Variants in SLC9A7 observed in about 807,000 individuals in gnomAD.
The protein encoded by SLC9A7 is solute carrier family 9 member A7, also known as sodium/hydrogen exchanger 7.
SLC9A7 carries 19 observed loss-of-function variants against 52.6 expected under a neutral mutation model. The observed-to-expected ratio is 0.36, with a 90% CI of 0.25 to 0.53. The LOEUF (loss-of-function observed/expected upper bound fraction) is 0.53. SLC9A7 is among the 20% of genes least tolerant of loss of function. The probability of loss-of-function intolerance (pLI) is 0.91; values close to 1 mark genes in which losing one functional copy is unlikely to be tolerated. For synonymous variants in SLC9A7, 226 were observed against 252.1 expected, an observed-to-expected ratio of 0.90 and a Z score of 0.98; for missense variants, 455 against 597.9, an observed-to-expected ratio of 0.76 and a Z score of 2.49.
intron 1 of SLC9A7, among the ~76,000 whole-genome samples, chrX:46,713,150 T>C (rs1304425999): frequency 8.9e-6 from 1 of 112,106 alleles, no homozygotes; most frequent in Non-Finnish European, 1.9e-5. Context: ...TGGCCCCTTA[T>C]CCATGGGTCA....
intron 10 of SLC9A7, among the ~76,000 whole-genome samples, chrX:46,649,308 A>G (rs1023156797): frequency 8.9e-6 from 1 of 112,152 alleles, no homozygotes; most frequent in Non-Finnish European, 1.9e-5. Context: ...TAAACATCAG[A>G]GACTTTAATG....
In SLC9A7 at chrX:46,648,760, G is replaced by A. The variant is rs201743512; in HGVS notation, c.1388C>T (p.Pro463Leu). ...IFLGRAAHIYPLSFFLNLGRR... is the reference protein window; with the variant it reads ...IFLGRAAHIYLLSFFLNLGRR... The stretch of plus-strand genomic sequence containing the variant: ...GCCCAAGTTGAGGAAGAAGGAGAGC[G>A]GGTAGATGTGCGCGGCTCTGCCCAG... Residue 463 changes from proline (P) to leucine (L), a missense_variant, in exon 11 of 17, where the codon CCG (proline) becomes CTG (leucine). Physicochemically the swap from Pro to Leu is moderately conservative, Grantham distance 98. This residue lies in a region of SLC9A7 where 304 missense variants were observed against 417.8 expected (regional missense o/e 0.73). Coordinates refer to ENST00000616978, the MANE Select transcript of SLC9A7 (RefSeq NM_001257291.2). 3.4e-5 allele frequency: 41 copies of A among 1,209,327 alleles called. No individual in the cohort carries two copies. Among genetic ancestry groups the A allele is most frequent in the East Asian group, 3.0e-4 (10 of 33,764 alleles).
chrX:46,638,714 T>A (rs1485370492), intron 12 of SLC9A7, among the ~76,000 whole-genome samples: 3 of 112,077 alleles, frequency 2.7e-5, no homozygotes, highest in Non-Finnish European at 5.6e-5. Context: ...ATTGGCTTCA[T>A]AATTGAAAAA....
intron 13 of SLC9A7, among the ~76,000 whole-genome samples, chrX:46,634,832 T>C (rs1943293486): frequency 8.9e-6 from 1 of 111,909 alleles, no homozygotes; most frequent in African/African-American, 3.3e-5. Flanking sequence ...TGAGATATTC[T>C]CACAGTGCCG....
chrX:46,641,942 C>A (rs1322671823), intron 12 of SLC9A7, among the ~76,000 whole-genome samples: 1 of 111,987 alleles, frequency 8.9e-6, no homozygotes, highest in Non-Finnish European at 1.9e-5. Context: ...ATGCCTGCAA[C>A]GTAAGTGTTA....
intron 1 of SLC9A7, among the ~76,000 whole-genome samples, chrX:46,689,230 T>A (rs1450056473): frequency 8.9e-6 from 1 of 112,448 alleles, no homozygotes; most frequent in African/African-American, 3.2e-5. Context: ...TTAATACAGT[T>A]TTGTCTTTGC....
In SLC9A7 at chrX:46,700,054, G is replaced by A. The variant is rs779775332; in HGVS notation, c.326-17519C>T. Among the ~76,000 whole-genome samples, 3 of 109,280 alleles carry A rather than the reference G, an allele frequency of 2.7e-5. No homozygotes were observed. The South Asian group carries it at 1.2e-3, about 44-fold the overall frequency. 94.9% of individuals were successfully genotyped at this position (109,280 alleles called of 115,157 possible). A position where few individuals can be genotyped will look rare whatever the true frequency, so the allele number is the denominator to read the frequency against. ...CAGGAGTTTGAAGCTTCAGTGAGCC[G>A]TGATTGCACCACCGCACTCCAGCCT... On this transcript the variant is annotated intron_variant, in intron 1 of 16. Transcript: ENST00000616978.
rs1944755377 is a variant in SLC9A7, at chrX:46,715,495, C to A, written c.326-32960G>T. Among the ~76,000 whole-genome samples the A allele has an allele frequency of 2.7e-5, 3 of 111,366 alleles. No individual in the cohort carries two copies. The South Asian group carries it at 1.1e-3, about 43-fold the overall frequency. On this transcript the variant is annotated intron_variant, in intron 1 of 16. Transcript: ENST00000616978. Reference sequence around the variant, plus strand: ...AATAACTACATTATGATTCACTGATCCCAAAAATATGAGTCCAGTGGTATA... The same window carrying A: ...AATAACTACATTATGATTCACTGATACCAAAAATATGAGTCCAGTGGTATA...
Position 46,669,733 on chromosome X carries a change from A to G in SLC9A7, c.681-14T>C. The G allele has an allele frequency of 1.1e-6, 1 of 945,817 alleles. No individual in the cohort carries two copies. The highest frequency in any genetic ancestry group is 3.3e-5 in the East Asian group (1 of 30,173). 77.9% of individuals were successfully genotyped at this position (945,817 alleles called of 1,213,427 possible). A position where few individuals can be genotyped will look rare whatever the true frequency, so the allele number is the denominator to read the frequency against. On this transcript the variant is annotated splice_polypyrimidine_tract_variant and intron_variant, in intron 4 of 16. Coordinates refer to ENST00000616978, the MANE Select transcript of SLC9A7 (RefSeq NM_001257291.2). ...TACATGAGATTTCTGTAAGAAGGTA[A>G]GGTAAACTATGTCAGGAGAAAAAAA...
At chrX:46,680,734 C>T (rs764432210) in intron 2 of SLC9A7, among the ~76,000 whole-genome samples, 77 of 112,535 alleles carry the variant, frequency 6.8e-4, no homozygotes, top group African/African-American at 2.4e-3. Context: ...AATTTGTTCA[C>T]GCTGGTAGAT....
intron 5 of SLC9A7, among the ~76,000 whole-genome samples, chrX:46,668,313 C>T (rs1018434210): frequency 9.0e-6 from 1 of 111,091 alleles, no homozygotes; most frequent in African/African-American, 3.3e-5. Flanking sequence ...AGTTTGAGAC[C>T]AGACTGACCA....
At chrX:46,748,119 G>A (rs181910993) in intron 1 of SLC9A7, among the ~76,000 whole-genome samples, 1 of 110,953 alleles carries the variant, frequency 9.0e-6, no homozygotes, top group East Asian at 2.8e-4. Context: ...GGCCGAGGTG[G>A]GTGAATCACC....
intron 1 of SLC9A7, among the ~76,000 whole-genome samples, chrX:46,689,206 T>C (rs181763819): frequency 4.4e-4 from 49 of 112,290 alleles, no homozygotes; most frequent in Non-Finnish European, 6.8e-4. Flanking sequence ...TTTTGTTTTG[T>C]TTTGTTTTTT....
At chrX:46,723,111 C>T (rs1944885358) in intron 1 of SLC9A7, among the ~76,000 whole-genome samples, 1 of 109,279 alleles carries the variant, frequency 9.2e-6, no homozygotes, top group Non-Finnish European at 1.9e-5. Flanking sequence ...ATCTCCCCAC[C>T]CAGCAAAGGA....
intron 1 of SLC9A7, among the ~76,000 whole-genome samples, chrX:46,720,328 C>G (rs1290082534): frequency 9.0e-6 from 1 of 110,790 alleles, no homozygotes; most frequent in Non-Finnish European, 1.9e-5. Flanking sequence ...CTGTCCTTTC[C>G]CACTCCTGCC....
chrX:46,738,944 C>T (rs957434277), intron 1 of SLC9A7, among the ~76,000 whole-genome samples: 4 of 111,221 alleles, frequency 3.6e-5, no homozygotes, highest in African/African-American at 9.8e-5. Flanking sequence ...GAAATACCTA[C>T]CATTGTGCCT....
chrX:46,607,295 C>G, intron 16 of SLC9A7, 92 bp from the exon 17 acceptor site: 1 of 1,008,623 alleles, frequency 9.9e-7, no homozygotes, highest in Non-Finnish European at 1.3e-6. Flanking sequence ...AACTCCTCAT[C>G]TGAAAACTGG....
intron 1 of SLC9A7, among the ~76,000 whole-genome samples, chrX:46,697,878 CCCTGAGAAAGAGAATGTGCA>C: frequency 8.9e-6 from 1 of 111,898 alleles, no homozygotes; most frequent in African/African-American, 3.2e-5. Context: ...CAAGGAACAT[CCCTGAGAAAGAGAATGTGCA>C]CCTGGGGGTG....
At chrX:46,672,753 A>T in intron 3 of SLC9A7, 126 bp from the exon 4 acceptor site, 1 of 475,125 alleles carries the variant, frequency 2.1e-6, no homozygotes, top group Non-Finnish European at 3.6e-6. Context: ...TCAAGTAACA[A>T]CTGAAGTTAC....
Sources: gnomAD v4.1 joint callset for allele counts (sites outside exome capture counted in the v4.1 genomes callset) on GRCh38, gnomAD v4.1.1 for gene constraint, gnomAD v4.1.1 regional missense constraint, MANE v1.5 for transcripts, NCBI Gene and HGNC (gene_info 2026-07-23, HGNC 2026-07-21) for gene names.